Variants in ARHGAP6 observed in about 807,000 individuals in gnomAD.
ARHGAP6 encodes the protein rho GTPase-activating protein 6.
ARHGAP6 carries 16 observed loss-of-function variants against 55.7 expected under a neutral mutation model. The observed-to-expected ratio is 0.29, with a 90% CI of 0.19 to 0.44. The LOEUF is 0.44. Among genes scored for constraint, ARHGAP6 ranks in the 20% least tolerant of loss-of-function variants. The pLI, the probability that ARHGAP6 is intolerant of heterozygous loss-of-function variation, is 1.00. For synonymous variants in ARHGAP6, 382 were observed against 360.9 expected (o/e 1.06, Z -0.66); for missense variants, 698 against 808.9 (o/e 0.86, Z 1.66).
At chrX:11,334,227 A>G in intron 1 of ARHGAP6, 1 of 143,531 alleles carries the variant, frequency 7.0e-6, no homozygotes, top group Non-Finnish European at 1.5e-5. Flanking sequence ...CACACCAGGG[A>G]CATTACTTGG....
intron 1 of ARHGAP6, among the ~76,000 whole-genome samples, chrX:11,379,401 C>A (rs1445166443): frequency 1.8e-5 from 2 of 111,911 alleles, no homozygotes; most frequent in Non-Finnish European, 3.8e-5. Flanking sequence ...ACCACACTAT[C>A]CAAATCCTTC....
At chrX:11,181,429 T>G (rs369085015) in intron 6 of ARHGAP6, among the ~76,000 whole-genome samples, 1 of 112,096 alleles carries the variant, frequency 8.9e-6, no homozygotes, top group African/African-American at 3.2e-5. Flanking sequence ...CACCAACAAA[T>G]GAACTCTTTT....
At chrX:11,656,388 A>C (rs969872867) in intron 1 of ARHGAP6, among the ~76,000 whole-genome samples, 1 of 112,342 alleles carries the variant, frequency 8.9e-6, no homozygotes, top group Non-Finnish European at 1.9e-5. Flanking sequence ...TCGCTGCTCG[A>C]AATTACCACA....
intron 1 of ARHGAP6, among the ~76,000 whole-genome samples, chrX:11,436,154 ATT>A (rs1471847101): frequency 8.9e-6 from 1 of 112,490 alleles, no homozygotes; most frequent in African/African-American, 3.2e-5. Flanking sequence ...CCAGAAAATA[ATT>A]TGTTTTCTCT....
intron 9 of ARHGAP6, among the ~76,000 whole-genome samples, chrX:11,161,086 G>T (rs2045936301): frequency 8.9e-6 from 1 of 112,113 alleles, no homozygotes; most frequent in Non-Finnish European, 1.9e-5. Flanking sequence ...TCAGAAAATT[G>T]GAGTCAGTGG....
At chrX:11,416,046 T>G (rs769738772) in intron 1 of ARHGAP6, among the ~76,000 whole-genome samples, 2 of 112,111 alleles carry the variant, frequency 1.8e-5, no homozygotes, top group Admixed American at 1.9e-4. Flanking sequence ...TACGATTTTG[T>G]GTGTCTATGT....
At chrX:11,464,597 T>G (rs1308807856) in intron 1 of ARHGAP6, among the ~76,000 whole-genome samples, 1 of 112,585 alleles carries the variant, frequency 8.9e-6, no homozygotes, top group Non-Finnish European at 1.9e-5. Context: ...CAAGTTCAAC[T>G]GCAAAGCTAA....
At chrX:11,314,916 C>T (rs1013935373) in intron 1 of ARHGAP6, among the ~76,000 whole-genome samples, 2 of 112,176 alleles carry the variant, frequency 1.8e-5, no homozygotes, top group African/African-American at 6.5e-5. Flanking sequence ...AACAAACCTG[C>T]ACATGTACCC....
intron 1 of ARHGAP6, among the ~76,000 whole-genome samples, chrX:11,356,077 G>C (rs1348553542): frequency 9.0e-6 from 1 of 111,262 alleles, no homozygotes; most frequent in Non-Finnish European, 1.9e-5. Context: ...TGACACCTTA[G>C]GCACTAGGCA....
chrX:11,575,485 AACAG>A (rs1461982105), intron 1 of ARHGAP6, among the ~76,000 whole-genome samples: 1 of 111,754 alleles, frequency 8.9e-6, no homozygotes, highest in East Asian at 2.8e-4. Flanking sequence ...GTCCTTAGGT[AACAG>A]ACAAAGAGGA....
chrX:11,534,281 G>A (rs1177750730), intron 1 of ARHGAP6, among the ~76,000 whole-genome samples: 2 of 111,347 alleles, frequency 1.8e-5, no homozygotes, highest in East Asian at 2.8e-4. Context: ...AGTGAAGGGT[G>A]TTATTATGGG....
At chrX:11,174,623 T>TTTTCTTTCTTTCTTTCTTTC (rs55966871) in intron 8 of ARHGAP6, among the ~76,000 whole-genome samples, 2 of 46,733 alleles carry the variant, frequency 4.3e-5, no homozygotes, top group Admixed American at 2.8e-4. Flanking sequence ...TTTCTCTTTC[T>TTTTCTTTCTTTCTTTCTTTC]TTTCTTTCTT....
At chrX:11,640,245 C>A (rs988731520) in intron 1 of ARHGAP6, among the ~76,000 whole-genome samples, 4 of 111,712 alleles carry the variant, frequency 3.6e-5, no homozygotes, top group African/African-American at 1.3e-4. Context: ...GATTCAATGT[C>A]CATTGCTCAA....
chrX:11,268,435 T>C (rs1304421408), intron 1 of ARHGAP6, among the ~76,000 whole-genome samples: 1 of 112,168 alleles, frequency 8.9e-6, no homozygotes, highest in Non-Finnish European at 1.9e-5. Flanking sequence ...ATGTATTCAC[T>C]GCCTCCAACA....
At chrX:11,467,927 C>T (rs961409736) in intron 1 of ARHGAP6, among the ~76,000 whole-genome samples, 3 of 108,466 alleles carry the variant, frequency 2.8e-5, no homozygotes, top group African/African-American at 1.0e-4. Context: ...TTGCAGTGAG[C>T]TAAGATTGTG....
chrX:11,289,471 T>C (rs753240995), intron 1 of ARHGAP6, among the ~76,000 whole-genome samples: 14 of 111,629 alleles, frequency 1.3e-4, no homozygotes, highest in African/African-American at 4.6e-4. Flanking sequence ...ATAACTACTG[T>C]GTTTTGGCGA....
intron 1 of ARHGAP6, among the ~76,000 whole-genome samples, chrX:11,563,599 G>C (rs929105559): frequency 3.6e-5 from 4 of 111,348 alleles, no homozygotes; most frequent in Non-Finnish European, 7.6e-5. Context: ...TCTCTGCAAA[G>C]ATTGGAAACT....
At chrX:11,201,989 C>CTGTGTGTGTA (rs2046630437) in intron 2 of ARHGAP6, among the ~76,000 whole-genome samples, 3 of 65,537 alleles carry the variant, frequency 4.6e-5, no homozygotes, top group African/African-American at 1.8e-4. Context: ...GCATCTGGAT[C>CTGTGTGTGTA]TGTGTGTGTG....
chrX:11,261,735 T>C (rs902160464), intron 1 of ARHGAP6, among the ~76,000 whole-genome samples: 4 of 111,942 alleles, frequency 3.6e-5, no homozygotes, highest in Non-Finnish European at 7.5e-5. Flanking sequence ...TAAAATGATA[T>C]AGGATAATGG....
Sources: allele counts gnomAD v4.1 joint callset (sites outside exome capture counted in the v4.1 genomes callset), GRCh38; gene constraint gnomAD v4.1.1; transcripts MANE v1.5; gene names NCBI Gene and HGNC (gene_info 2026-07-23, HGNC 2026-07-21).